Variants in KLF12 observed in about 807,000 individuals in gnomAD.
KLF12 encodes KLF transcription factor 12.
Under a neutral mutation model 37.8 loss-of-function variants are expected in KLF12, and 9 were observed. The ratio of observed to expected loss-of-function variants is 0.24; its 90% CI spans 0.14 to 0.42. KLF12 has a LOEUF of 0.42. Among genes scored for constraint, KLF12 ranks in the 10% least tolerant of loss-of-function variants. The pLI is 1.00. For synonymous variants in KLF12, 208 were observed against 202.1 expected (o/e 1.03, Z -0.25); for missense variants, 411 against 516.0 (o/e 0.80, Z 1.97).
chr13:73,880,775 T>C (rs758694994), intron 3 of KLF12, among the ~76,000 whole-genome samples: 12 of 152,328 alleles, frequency 7.9e-5, no homozygotes, highest in Non-Finnish European at 1.3e-4. Flanking sequence ...ATGTTCTAAA[T>C]AGATTTGTTT....
rs1873958693 is a variant in KLF12 at position 73,693,941 on chromosome 13, T to A, written c.*1549A>T. ...TGTATTGCTTGTTTACTGTATATGT[T>A]CCTAGTTGCAAAAAGGTTCATAATT... On this transcript the variant is annotated 3_prime_UTR_variant, in exon 8 of 8. Coordinates refer to ENST00000377669, the MANE Select transcript of KLF12 (RefSeq NM_007249.5). 1 of 152,614 alleles carries A rather than the reference T, an allele frequency of 6.6e-6. No individual in the cohort carries two copies. The highest frequency in any genetic ancestry group is 1.5e-5 in the Non-Finnish European group (1 of 68,030). 9.5% of individuals were successfully genotyped at this position (152,614 alleles called of 1,614,324 possible).
chr13:74,233,442 AT>A, the KLF12 span, among the ~76,000 whole-genome samples: 1 of 152,136 alleles, frequency 6.6e-6, no homozygotes, highest in Non-Finnish European at 1.5e-5. Flanking sequence ...CGGGACAAGT[AT>A]TTCACGAGCA....
chr13:74,234,369 A>G, the KLF12 span, among the ~76,000 whole-genome samples: 1 of 152,122 alleles, frequency 6.6e-6, no homozygotes, highest in Non-Finnish European at 1.5e-5. Context: ...ACTTGCAAAA[A>G]CTGTGTGAAT....
chr13:73,788,627 T>G (rs907833617), intron 5 of KLF12, among the ~76,000 whole-genome samples: 1 of 150,034 alleles, frequency 6.7e-6, no homozygotes, highest in South Asian at 2.1e-4. Flanking sequence ...CCTTTATCTA[T>G]AAATGCCTGC....
At chr13:74,262,784 G>A in the KLF12 span, among the ~76,000 whole-genome samples, 206 of 152,084 alleles carry the variant, frequency 1.4e-3, no homozygotes, top group African/African-American at 4.6e-3. Context: ...CCTCAGGAAG[G>A]CAATGTCTCA....
At chr13:74,260,940 CAAAG>C in the KLF12 span, among the ~76,000 whole-genome samples, 1 of 151,928 alleles carries the variant, frequency 6.6e-6, no homozygotes, top group Non-Finnish European at 1.5e-5. Flanking sequence ...ATTTTGAAAA[CAAAG>C]AAGTTCATCA....
intron 7 of KLF12, among the ~76,000 whole-genome samples, chr13:73,714,919 C>T (rs553717904): frequency 1.3e-3 from 194 of 152,298 alleles, no homozygotes; most frequent in African/African-American, 4.5e-3. Flanking sequence ...AAACTTCCCA[C>T]AATGCTACGT....
At chr13:73,800,658 G>C (rs1045975475) in intron 5 of KLF12, 9 of 151,658 alleles carry the variant, frequency 5.9e-5, no homozygotes, top group Non-Finnish European at 1.2e-4. Flanking sequence ...TTAAAAATTA[G>C]GTTGACAAAA....
chr13:73,748,117 A>G (rs1247250462), intron 6 of KLF12, among the ~76,000 whole-genome samples: 1 of 152,160 alleles, frequency 6.6e-6, no homozygotes, highest in Non-Finnish European at 1.5e-5. Flanking sequence ...CCAGAGGATG[A>G]ATTATTTACC....
intron 2 of KLF12, among the ~76,000 whole-genome samples, chr13:73,993,589 C>T (rs952760495): frequency 2.0e-5 from 3 of 152,152 alleles, no homozygotes; most frequent in African/African-American, 7.2e-5. Flanking sequence ...ATACATTTTG[C>T]ATGATAGGTA....
At chr13:74,024,844 C>G (rs1472192235) in intron 1 of KLF12, among the ~76,000 whole-genome samples, 2 of 152,164 alleles carry the variant, frequency 1.3e-5, no homozygotes, top group East Asian at 3.8e-4. Flanking sequence ...CTTATTTCAG[C>G]TTTAATATAC....
chr13:73,758,638 T>C (rs1175471047), intron 6 of KLF12, among the ~76,000 whole-genome samples: 3 of 152,178 alleles, frequency 2.0e-5, no homozygotes, highest in African/African-American at 7.2e-5. Flanking sequence ...AAACTATTCC[T>C]GGGTTTTTAA....
intron 2 of KLF12, among the ~76,000 whole-genome samples, chr13:73,945,240 G>A (rs957803664): frequency 5.9e-5 from 9 of 152,100 alleles, no homozygotes; most frequent in Non-Finnish European, 8.8e-5. Context: ...AGGCTGAGGC[G>A]GGTGGATCAC....
At chr13:74,071,650 A>ATG (rs1874255060) in intron 1 of KLF12, among the ~76,000 whole-genome samples, 1 of 152,168 alleles carries the variant, frequency 6.6e-6, no homozygotes, top group Non-Finnish European at 1.5e-5. Flanking sequence ...CCAAGATCGC[A>ATG]CCACTGCACT....
the KLF12 span, among the ~76,000 whole-genome samples, chr13:74,231,033 C>A: frequency 7.6e-6 from 1 of 132,428 alleles, no homozygotes; most frequent in Non-Finnish European, 1.5e-5. Flanking sequence ...CAAGCTGCTA[C>A]CTTTTTTTTT....
chr13:73,885,134 A>G (rs1448139555), intron 3 of KLF12, among the ~76,000 whole-genome samples: 2 of 152,250 alleles, frequency 1.3e-5, no homozygotes, highest in African/African-American at 4.8e-5. Flanking sequence ...CCAAAGACAG[A>G]TTCCCATAGC....
At chr13:74,262,856 T>C in the KLF12 span, among the ~76,000 whole-genome samples, 1 of 152,146 alleles carries the variant, frequency 6.6e-6, no homozygotes, top group Non-Finnish European at 1.5e-5. Flanking sequence ...TACACACATA[T>C]ATATATGTAT....
chr13:73,886,730 G>A (rs1287672273), intron 3 of KLF12, among the ~76,000 whole-genome samples: 1 of 152,138 alleles, frequency 6.6e-6, no homozygotes, highest in Non-Finnish European at 1.5e-5. Context: ...GGTGGCTCAC[G>A]CCTGTAATCC....
chr13:73,871,430 T>G (rs1886459573), intron 3 of KLF12, among the ~76,000 whole-genome samples: 2 of 152,144 alleles, frequency 1.3e-5, no homozygotes, highest in African/African-American at 4.8e-5. Context: ...AACTGACAAT[T>G]GTTAAGAGAC....
Sources: gnomAD v4.1 joint callset for allele counts (sites outside exome capture counted in the v4.1 genomes callset) on GRCh38, gnomAD v4.1.1 for gene constraint, MANE v1.5 for transcripts, NCBI Gene and HGNC (gene_info 2026-07-23, HGNC 2026-07-21) for gene names.